The following GLIS3 variants were observed in gnomAD, a reference collection of about 807,000 sequenced individuals.
GLIS3 encodes the protein GLIS family zinc finger 3, also known as zinc finger protein GLIS3.
In GLIS3, 53 loss-of-function variants were observed where a neutral mutation model predicts 78.6. The ratio of observed to expected loss-of-function variants is 0.67; its 90% CI spans 0.54 to 0.85. The LOEUF is 0.85. Among genes scored for constraint, GLIS3 ranks in the 40% least tolerant of loss-of-function variants. GLIS3 has a pLI of 0.00. For missense variants in GLIS3, 1,703 were observed against 1,231.1 expected (o/e 1.38, Z -5.74); for synonymous variants, 684 against 509.9 (o/e 1.34, Z -4.60).
chr9:4,102,318 G>A (rs1340121577), intron 4 of GLIS3, among the ~76,000 whole-genome samples: 1 of 152,176 alleles, frequency 6.6e-6, no homozygotes, highest in Non-Finnish European at 1.5e-5. Context: ...TTGTGAGGCT[G>A]GGGAAGCGGC....
At chr9:4,207,676 G>A (rs866921034) in intron 2 of GLIS3, among the ~76,000 whole-genome samples, 1 of 152,030 alleles carries the variant, frequency 6.6e-6, no homozygotes, top group East Asian at 1.9e-4. Flanking sequence ...TGCCTGCATC[G>A]CAGATGAGAA....
Position 4,259,594 on chromosome 9 carries a change from G to T in GLIS3, c.388+26444C>A, listed in dbSNP as rs145945033. ...TATCCCTTCGTCCTCAGGGCAAACT[G>T]AGACCAAAGTTAAATGGGTGTGCTT... is the stretch of plus-strand genomic sequence containing the variant. On this transcript the variant is annotated intron_variant, in intron 2 of 10. Coordinates refer to ENST00000381971, the MANE Select transcript of GLIS3 (RefSeq NM_001042413.2). Among the ~76,000 whole-genome samples the T allele has an allele frequency of 2.0e-5, 3 of 152,306 alleles. No homozygotes were observed. The East Asian group carries it at 5.8e-4, about 29-fold the overall frequency.
At chr9:3,932,586 G>A in intron 5 of GLIS3, 116 bp from the exon 6 acceptor site, 1 of 774,462 alleles carries the variant, frequency 1.3e-6, no homozygotes, top group Non-Finnish European at 2.3e-6. Context: ...TGACTGATGT[G>A]AAATGCTAGC....
chr9:4,000,186 G>A (rs1458575198), intron 4 of GLIS3, among the ~76,000 whole-genome samples: 1 of 152,122 alleles, frequency 6.6e-6, no homozygotes, highest in Non-Finnish European at 1.5e-5. Context: ...ACATCAACAT[G>A]GATAACTCTT....
At chr9:4,282,156 C>T (rs1827618448) in intron 2 of GLIS3, among the ~76,000 whole-genome samples, 1 of 152,130 alleles carries the variant, frequency 6.6e-6, no homozygotes, top group Admixed American at 6.5e-5. Context: ...TCTACGCTTC[C>T]CTAAGAGTTG....
At position 4,314,967 on chromosome 9, in the gene GLIS3, A is replaced by C. The variant is rs113858407; in HGVS notation, n.265-4439T>G. ...CTGAGGGTGAAAATGGGAAGCCCCG[A>C]AAGCCAGTTTGCCAAGACCATAGCT... On this transcript the variant is annotated intron_variant and non_coding_transcript_variant, in intron 2 of 4. Coordinates refer to the GLIS3 transcript ENST00000471664. Among the ~76,000 whole-genome samples the C allele has an allele frequency of 2.0e-3, 309 of 152,330 alleles. 1 individual carries two copies. Among genetic ancestry groups the C allele is most frequent in the African/African-American group, 7.0e-3 (291 of 41,588 alleles).
At chr9:3,960,197 T>G (rs981988536) in intron 4 of GLIS3, among the ~76,000 whole-genome samples, 3 of 152,138 alleles carry the variant, frequency 2.0e-5, no homozygotes, top group African/African-American at 7.2e-5. Flanking sequence ...GACGTGAAAT[T>G]ACAGGGAGAA....
intron 2 of GLIS3, among the ~76,000 whole-genome samples, chr9:4,151,596 G>A (rs796707890): frequency 2.8e-4 from 42 of 152,252 alleles, no homozygotes; most frequent in African/African-American, 9.4e-4. Context: ...TTATTTCTTG[G>A]CAAAATAACT....
intron 2 of GLIS3, among the ~76,000 whole-genome samples, chr9:4,254,431 T>C (rs1824713659): frequency 6.6e-6 from 1 of 152,222 alleles, no homozygotes; most frequent in Non-Finnish European, 1.5e-5. Context: ...GACTAGCCAT[T>C]ATAAAGCAAT....
intron 4 of GLIS3, among the ~76,000 whole-genome samples, chr9:4,053,381 G>T (rs1379145127): frequency 6.6e-6 from 1 of 152,094 alleles, no homozygotes; most frequent in Non-Finnish European, 1.5e-5. Context: ...CAAGCAAGTT[G>T]CAAAGCTCCT....
At chr9:4,156,956 T>C (rs892678775) in intron 2 of GLIS3, among the ~76,000 whole-genome samples, 2 of 152,170 alleles carry the variant, frequency 1.3e-5, no homozygotes, top group Admixed American at 6.5e-5. Context: ...ATCTACCGAA[T>C]CAGAAACCTG....
At chr9:4,339,596 GTC>G (rs1484989182) in intron 2 of GLIS3, among the ~76,000 whole-genome samples, 2 of 150,364 alleles carry the variant, frequency 1.3e-5, no homozygotes, top group Admixed American at 1.3e-4. Flanking sequence ...TCTGTGATCC[GTC>G]TCTGTTGTGT....
chr9:3,896,387 G>A (rs1315045559), intron 7 of GLIS3, among the ~76,000 whole-genome samples: 2 of 152,072 alleles, frequency 1.3e-5, no homozygotes, highest in African/African-American at 4.8e-5. Context: ...AGTAGGGCCC[G>A]AGCACAGTGG....
chr9:4,483,585 T>C, the GLIS3 span, among the ~76,000 whole-genome samples: 1 of 151,984 alleles, frequency 6.6e-6, no homozygotes, highest in Non-Finnish European at 1.5e-5. Context: ...CTGGGTGTGG[T>C]GGTGCACGCC....
At chr9:4,214,415 T>C (rs768409151) in intron 2 of GLIS3, among the ~76,000 whole-genome samples, 12 of 152,168 alleles carry the variant, frequency 7.9e-5, no homozygotes, top group Non-Finnish European at 1.6e-4. Flanking sequence ...CCAATCAATA[T>C]CTCCATCGGC....
intron 4 of GLIS3, among the ~76,000 whole-genome samples, chr9:4,006,572 C>T (rs1241573556): frequency 6.6e-6 from 1 of 152,148 alleles, no homozygotes; most frequent in East Asian, 1.9e-4. Context: ...GACGACCAAA[C>T]ACCTAGCCCT....
At chr9:4,162,449 C>T (rs918869338) in intron 2 of GLIS3, among the ~76,000 whole-genome samples, 5 of 152,082 alleles carry the variant, frequency 3.3e-5, no homozygotes, top group African/African-American at 1.2e-4. Context: ...CATTTGCAGA[C>T]AAAATAATTA....
intron 2 of GLIS3, among the ~76,000 whole-genome samples, chr9:4,140,747 C>T (rs1045957941): frequency 5.3e-5 from 8 of 151,748 alleles, no homozygotes; most frequent in South Asian, 2.1e-4. Context: ...TGTGCTCCTT[C>T]GTCTCAAGAG....
chr9:4,124,718 G>A (rs576682588), intron 3 of GLIS3, among the ~76,000 whole-genome samples: 15 of 152,254 alleles, frequency 9.9e-5, no homozygotes, highest in African/African-American at 3.6e-4. Flanking sequence ...ATACAAGAGG[G>A]GAGAACAGGA....
Sources: allele counts gnomAD v4.1 joint callset (sites outside exome capture counted in the v4.1 genomes callset), GRCh38; gene constraint gnomAD v4.1.1; transcripts MANE v1.5; gene names NCBI Gene and HGNC (gene_info 2026-07-23, HGNC 2026-07-21).